Variants in KLC3 observed in about 807,000 individuals in gnomAD.
KLC3 encodes kinesin light chain 2.
A neutral mutation model predicts 62.9 loss-of-function variants in KLC3; 72 were observed. That is an observed-to-expected ratio of 1.15 (90% confidence interval 0.95 to 1.39). The LOEUF (loss-of-function observed/expected upper bound fraction) is 1.39, where lower values mean the gene tolerates loss of function less well. Ranked by LOEUF, KLC3 falls within the 40% of genes most tolerant of loss-of-function variation. The probability of loss-of-function intolerance (pLI) is 0.00; values close to 1 mark genes in which losing one functional copy is unlikely to be tolerated. For synonymous variants in KLC3, 377 were observed against 300.5 expected (o/e 1.25, Z -2.63); for missense variants, 848 against 691.6 (o/e 1.23, Z -2.54).
chr19:45,350,415 C>T lies in KLC3; in HGVS notation c.1218C>T (p.Asp406=), dbSNP rs765850357. The change falls in exon 9 of 13, where the codon GAC becomes GAT. Residue 406 remains aspartate, a synonymous_variant. Coordinates refer to ENST00000391946, the MANE Select transcript of KLC3 (RefSeq NM_177417.3). ...ELYKEILHKE[D]LPAPLGAPNT... is the part of the protein sequence containing the mutation. ...ACAAAGAAATCCTCCACAAGGAGGA[C>T]CTACCCGCCCCTCTCGGTGAGCCCC... 52 of 1,613,682 alleles carry T rather than the reference C, an allele frequency of 3.2e-5. No homozygotes were observed. In the East Asian group the frequency reaches 8.9e-4, roughly 28 times the overall value.
intron 6 of KLC3, 40 bp downstream of exon 6, chr19:45,348,773 G>C (rs1247159076): frequency 6.4e-7 from 1 of 1,564,700 alleles, no homozygotes; most frequent in Non-Finnish European, 8.7e-7. Flanking sequence ...GGTCAAAGTG[G>C]GGCCACACCT....
chr19:45,347,603 C>CT, intron 4 of KLC3, 87 bp downstream of exon 4: 15 of 1,269,270 alleles, frequency 1.2e-5, no homozygotes, highest in Non-Finnish European at 1.7e-5. Flanking sequence ...ATCTCTGAGC[C>CT]AGGGGATGGG....
intron 1 of KLC3, among the ~76,000 whole-genome samples, chr19:45,343,657 T>C (rs1005890532): frequency 2.6e-5 from 4 of 152,042 alleles, no homozygotes; most frequent in Non-Finnish European, 5.9e-5. Context: ...TCTAAGAGAA[T>C]ATACCTGTGT....
Position 45,348,811 on chromosome 19 carries a change from A to C in KLC3, c.868-9A>C. ...CCATCCCTGACCTGTGCCTCCCCCA[A>C]CCCCGCAGGTGGCCGCCACGCTCAA... On this transcript the variant is annotated splice_polypyrimidine_tract_variant and intron_variant, in intron 6 of 12. Transcript: ENST00000391946. 6.4e-7 allele frequency: 1 copy of C among 1,563,004 alleles called. No individual in the cohort carries two copies. Among genetic ancestry groups the C allele is most frequent in the South Asian group, 1.2e-5 (1 of 84,940 alleles).
In KLC3 at chr19:45,345,577, G is replaced by C. The variant is rs77102211; in HGVS notation, c.36G>C (p.Gly12=). Residue 12 remains glycine, a synonymous_variant, in exon 2 of 13, where the codon GGG becomes GGC. Transcript: ENST00000391946. ...AGGTAGCGGCTCCTGGAAGTGCAGG[G>C]CTGGGCCCAGAGCGCCTGAGCCCTG... ...SVQVAAPGSA[G]LGPERLSPEE... 1 of 1,567,562 alleles carries C rather than the reference G, an allele frequency of 6.4e-7. No homozygotes were observed. Among genetic ancestry groups the C allele is most frequent in the Non-Finnish European group, 8.6e-7 (1 of 1,157,024 alleles).
Position 45,341,186 on chromosome 19 carries a change from T to TGTGTG in KLC3, c.-9+340_-9+341insGTGTG, listed in dbSNP as rs1568519123. Among the ~76,000 whole-genome samples, 916 of 111,918 alleles carry TGTGTG rather than the reference T, an allele frequency of 8.2e-3. 19 individuals carry two copies. Among genetic ancestry groups the TGTGTG allele is most frequent in the African/African-American group, 0.03 (820 of 26,944 alleles). 73.4% of individuals were successfully genotyped at this position (111,918 alleles called of 152,430 possible). On this transcript the variant is annotated intron_variant, in intron 1 of 12. Coordinates refer to ENST00000391946, the MANE Select transcript of KLC3 (RefSeq NM_177417.3). ...ATGGGAGTCTCCTGCCTGCCTGTGT[T>TGTGTG]TGTGTGTGTGTGTGTGTGTGTGTGT...
intron 11 of KLC3, 84 bp from the exon 12 acceptor site, chr19:45,350,870 A>G (rs1971725225): frequency 6.6e-7 from 1 of 1,519,328 alleles, no homozygotes; most frequent in South Asian, 1.1e-5. Context: ...ATACACACAG[A>G]TCAAACCCTG....
At chr19:45,349,707 C>T in intron 8 of KLC3, 105 bp downstream of exon 8, 1 of 1,151,008 alleles carries the variant, frequency 8.7e-7, no homozygotes, top group Non-Finnish European at 1.2e-6. Flanking sequence ...GGGGGGGGGC[C>T]CCCCAGGCCG....
At position 45,348,889 on chromosome 19, in the gene KLC3, CT is replaced by C; in HGVS notation, c.938del (p.Leu313ArgfsTer48). ...KRGRYREAEP[L>X]CQRALEIREK... ...TGGGCGTTACCGGGAGGCAGAGCCC[CT>C]GTGCCAGCGCGCTTTGGAGATCCGA... On this transcript the variant is annotated frameshift_variant, in exon 7 of 13. Transcript: ENST00000391946. LOFTEE classifies it high-confidence loss of function. The C allele has an allele frequency of 6.3e-7, 1 of 1,587,806 alleles. No individual in the cohort carries two copies. The highest frequency in any genetic ancestry group is 8.6e-7 in the Non-Finnish European group (1 of 1,167,398).
Position 45,351,476 on chromosome 19 carries a change from T to G in KLC3, c.*119T>G. 6.3e-7 allele frequency: 1 copy of G among 1,586,086 alleles called. No homozygotes were observed. Among genetic ancestry groups the G allele is most frequent in the Non-Finnish European group, 8.5e-7 (1 of 1,170,330 alleles). On this transcript the variant is annotated 3_prime_UTR_variant, in exon 13 of 13. Coordinates refer to ENST00000391946, the MANE Select transcript of KLC3 (RefSeq NM_177417.3). ...CCCTTGCCTCTGGGTACCTGGTGGA[T>G]AGCTGCCTTCTCCTGCGATTAAAGG...
rs1048488855 is a variant in KLC3, at chr19:45,351,448, C to T, written c.*91C>T. ...GAGAGGGGGTCTATCATCTCCTGGC[C>T]CCCCCTTGCCTCTGGGTACCTGGTG... is the stretch of plus-strand genomic sequence containing the variant. On this transcript the variant is annotated 3_prime_UTR_variant, in exon 13 of 13. Coordinates refer to ENST00000391946, the MANE Select transcript of KLC3 (RefSeq NM_177417.3). 1 of 1,582,468 alleles carries T rather than the reference C, an allele frequency of 6.3e-7. No individual in the cohort carries two copies. The highest frequency in any genetic ancestry group is 8.6e-7 in the Non-Finnish European group (1 of 1,167,770).
At chr19:45,347,010 C>G (rs1228359266) in intron 3 of KLC3, 1 of 506,318 alleles carries the variant, frequency 2.0e-6, no homozygotes, top group African/African-American at 2.0e-5. Flanking sequence ...CGCCAGACCC[C>G]CAGGGGGCCT....
intron 1 of KLC3, among the ~76,000 whole-genome samples, chr19:45,341,997 C>T (rs188931384): frequency 7.5e-4 from 114 of 151,954 alleles, no homozygotes; most frequent in African/African-American, 2.3e-3. Flanking sequence ...ATCAGCTGTG[C>T]GGTTGTGCAC....
At chr19:45,348,562 C>A in intron 5 of KLC3, 84 bp from the exon 6 acceptor site, 1 of 1,334,702 alleles carries the variant, frequency 7.5e-7, no homozygotes, top group South Asian at 1.3e-5. Flanking sequence ...GTTCCCTGGG[C>A]CTGTCAGGAT....
At chr19:45,346,012 A>G (rs555987094) in intron 2 of KLC3, among the ~76,000 whole-genome samples, 1 of 152,212 alleles carries the variant, frequency 6.6e-6, no homozygotes, top group East Asian at 1.9e-4. Flanking sequence ...CTAAAAATAC[A>G]AAAAGTAGCT....
intron 4 of KLC3, 90 bp downstream of exon 4, chr19:45,347,606 G>C: frequency 8.2e-7 from 1 of 1,219,722 alleles, no homozygotes; most frequent in Non-Finnish European, 1.2e-6. Flanking sequence ...TCTGAGCCAG[G>C]GGATGGGGAG....
At chr19:45,347,350 A>AC (rs1219959797) in intron 3 of KLC3, 97 bp from the exon 4 acceptor site, 5 of 905,620 alleles carry the variant, frequency 5.5e-6, no homozygotes, top group African/African-American at 5.2e-5. Flanking sequence ...CAAAAAAAAA[A>AC]AAAAAACAAA....
At chr19:45,346,849 A>G (rs1971508993) in intron 3 of KLC3, 75 bp downstream of exon 3, 2 of 1,337,756 alleles carry the variant, frequency 1.5e-6, no homozygotes, top group Non-Finnish European at 2.1e-6. Flanking sequence ...CCTCCTTAGA[A>G]TCCCACAGTC....
At position 45,346,707 on chromosome 19, in the gene KLC3, A is replaced by G; in HGVS notation, c.422A>G (p.Glu141Gly). The G allele has an allele frequency of 1.3e-6, 2 of 1,578,012 alleles. No individual in the cohort carries two copies. Among genetic ancestry groups the G allele is most frequent in the Non-Finnish European group, 1.7e-6 (2 of 1,163,334 alleles). Residue 141 changes from glutamate (E) to glycine (G), a missense_variant, in exon 3 of 13, where the codon GAG becomes GGG. Coordinates refer to ENST00000391946, the MANE Select transcript of KLC3 (RefSeq NM_177417.3). ...RASEESVAQL[E>G]EEKRHLEFLG... ...AGCGAGGAGTCCGTGGCCCAGCTGG[A>G]GGAGGAGAAGCGCCACCTGGAGTTC...
Sources: gnomAD v4.1 joint callset for allele counts (sites outside exome capture counted in the v4.1 genomes callset) on GRCh38, gnomAD v4.1.1 for gene constraint, MANE v1.5 for transcripts, NCBI Gene and HGNC (gene_info 2026-07-23, HGNC 2026-07-21) for gene names.